The following CSMD2 variants were observed in gnomAD, a reference collection of about 807,000 sequenced individuals.
The protein encoded by CSMD2 is CUB and sushi domain-containing protein 2.
Under a neutral mutation model 398.5 loss-of-function variants are expected in CSMD2, and 130 were observed. The ratio of observed to expected loss-of-function variants is 0.33; its 90% CI spans 0.28 to 0.38. The LOEUF (loss-of-function observed/expected upper bound fraction) is 0.38. CSMD2 is among the 10% of genes least tolerant of loss of function. The probability of loss-of-function intolerance (pLI) is 1.00; values close to 1 mark genes in which losing one functional copy is unlikely to be tolerated. For synonymous variants in CSMD2, 1,828 were observed against 1,908.5 expected, an observed-to-expected ratio of 0.96 and a Z score of 1.10; for missense variants, 3,829 against 4,764.9, an observed-to-expected ratio of 0.80 and a Z score of 5.78.
At chr1:34,082,380 G>A (rs1395919370) in intron 2 of CSMD2, among the ~76,000 whole-genome samples, 1 of 151,774 alleles carries the variant, frequency 6.6e-6, no homozygotes, top group Non-Finnish European at 1.5e-5. Flanking sequence ...GAGGTGGGGG[G>A]CGACCCCGCC....
intron 2 of CSMD2, among the ~76,000 whole-genome samples, chr1:34,052,168 T>TACACACACACAC (rs35006153): frequency 4.1e-5 from 6 of 146,932 alleles, no homozygotes; most frequent in African/African-American, 1.5e-4. Flanking sequence ...AGCATATGTA[T>TACACACACACAC]ACACACACAC....
chr1:33,990,065 A>C (rs1646497288), intron 3 of CSMD2, among the ~76,000 whole-genome samples: 1 of 151,964 alleles, frequency 6.6e-6, no homozygotes, highest in Admixed American at 6.6e-5. Flanking sequence ...GAGGTCCGGC[A>C]TTCGAGACCA....
At chr1:33,757,272 C>T (rs1395176208) in intron 13 of CSMD2, among the ~76,000 whole-genome samples, 5 of 152,008 alleles carry the variant, frequency 3.3e-5, no homozygotes, top group Non-Finnish European at 5.9e-5. Flanking sequence ...CTAACCTGCA[C>T]ATTGTGCACA....
intron 10 of CSMD2, among the ~76,000 whole-genome samples, chr1:33,794,031 T>C (rs571069535): frequency 4.5e-4 from 68 of 152,346 alleles, no homozygotes; most frequent in African/African-American, 1.6e-3. Context: ...TTGCTTTCTG[T>C]TCTACAACTC....
Position 33,533,987 on chromosome 1 carries a change from G to A in CSMD2, c.9880-80C>T, listed in dbSNP as rs938706025. 6 of 811,284 alleles carry A rather than the reference G, an allele frequency of 7.4e-6. No individual in the cohort carries two copies. Among genetic ancestry groups the A allele is most frequent in the Non-Finnish European group, 1.1e-5 (5 of 476,010 alleles). The allele number at this position is 811,284 out of a possible 1,614,324, so 50.3% of individuals were successfully genotyped here. ...GTCTGTCCCTTGACCACTTTCACAT[G>A]GCCCAACTCCTCCCGCACTGTTGCC... On this transcript the variant is annotated intron_variant, in intron 62 of 70. Coordinates refer to ENST00000373381, the MANE Select transcript of CSMD2 (RefSeq NM_001281956.2). This position sits in a 1 kb window ranked among gnomAD's most constrained non-coding sequence, Gnocchi z 4.2.
At chr1:34,070,880 G>C (rs551048746) in intron 2 of CSMD2, among the ~76,000 whole-genome samples, 1 of 152,314 alleles carries the variant, frequency 6.6e-6, no homozygotes, top group African/African-American at 2.4e-5. Flanking sequence ...TTACTTTGTA[G>C]GGTTTACGTA....
At chr1:34,143,276 A>G (rs1020716368) in intron 1 of CSMD2, among the ~76,000 whole-genome samples, 1 of 152,090 alleles carries the variant, frequency 6.6e-6, no homozygotes, top group Non-Finnish European at 1.5e-5. Context: ...GCAGCCTCCC[A>G]GGCCATTAAC....
intron 5 of CSMD2, among the ~76,000 whole-genome samples, chr1:33,874,080 C>A (rs555338277): frequency 1.3e-5 from 2 of 152,316 alleles, no homozygotes; most frequent in South Asian, 4.2e-4. Context: ...ACAATGCCAT[C>A]CCAATGCACA....
chr1:33,595,247 A>G (rs966457442), intron 44 of CSMD2, among the ~76,000 whole-genome samples: 7 of 152,190 alleles, frequency 4.6e-5, no homozygotes, highest in African/African-American at 1.7e-4. Flanking sequence ...ATTTTTGAAG[A>G]CTGCCTGCCA....
intron 1 of CSMD2, among the ~76,000 whole-genome samples, chr1:34,108,776 C>G (rs1254244771): frequency 6.6e-6 from 1 of 152,194 alleles, no homozygotes; most frequent in Non-Finnish European, 1.5e-5. Context: ...ACTCTGTCTT[C>G]CTGCCTTGGG....
intron 32 of CSMD2, among the ~76,000 whole-genome samples, chr1:33,630,434 C>T (rs1285080419): frequency 1.3e-5 from 2 of 152,176 alleles, no homozygotes; most frequent in African/African-American, 4.8e-5. Context: ...ACTCCTAACA[C>T]TAACTTTAGG....
chr1:33,902,452 CTT>C (rs1289563313), intron 5 of CSMD2, among the ~76,000 whole-genome samples: 1 of 152,170 alleles, frequency 6.6e-6, no homozygotes. Flanking sequence ...TGTTTCTCCT[CTT>C]TGGTGCACAC....
chr1:34,165,080 T>C lies in CSMD2; in HGVS notation c.18A>G (p.Gly6=), dbSNP rs1206662155. MPRSR[G]RELGRCGCPA... is the part of the protein sequence containing the mutation. ...GGCAGCCGCAGCGCCCCAGCTCCCG[T>C]CCCCGCGAGCGCGGCATGGCGCGGC... The change falls in exon 1 of 71, where the codon GGA becomes GGG. Residue 6 remains glycine (G), a synonymous_variant. Transcript: ENST00000373381. 8.2e-7 allele frequency: 1 copy of C among 1,214,334 alleles called. No homozygotes were observed. 75.2% of individuals were successfully genotyped at this position (1,214,334 alleles called of 1,614,324 possible).
intron 3 of CSMD2, among the ~76,000 whole-genome samples, chr1:34,030,982 T>C (rs1022717264): frequency 6.6e-6 from 1 of 152,172 alleles, no homozygotes; most frequent in African/African-American, 2.4e-5. Flanking sequence ...AGGCTTCTCC[T>C]AGTGAGGAGC....
Position 33,635,523 on chromosome 1 carries a change from C to T in CSMD2, c.4970-193G>A, listed in dbSNP as rs1642745141. On this transcript the variant is annotated intron_variant, in intron 30 of 70. Coordinates refer to ENST00000373381, the MANE Select transcript of CSMD2 (RefSeq NM_001281956.2). The surrounding 1 kb of genome is among the most constrained non-coding windows in gnomAD (Gnocchi z 5.0). Reference sequence around the variant, plus strand: ...CGTGCACCCCTGGCCTGGCATGTAGCCTGAAACTTGCCCTGAAGCTACCGA... The same window carrying T: ...CGTGCACCCCTGGCCTGGCATGTAGTCTGAAACTTGCCCTGAAGCTACCGA... 6.6e-6 allele frequency among the ~76,000 whole-genome samples: 1 copy of T among 152,210 alleles called. No individual in the cohort carries two copies. The highest frequency in any genetic ancestry group is 2.4e-5 in the African/African-American group (1 of 41,462).
chr1:33,612,945 G>A (rs1255108307), intron 40 of CSMD2, among the ~76,000 whole-genome samples: 1 of 152,212 alleles, frequency 6.6e-6, no homozygotes, highest in African/African-American at 2.4e-5. Context: ...CCATTCCACT[G>A]CCCAGGCATC....
At chr1:33,721,996 G>A (rs1646373870) in intron 19 of CSMD2, among the ~76,000 whole-genome samples, 1 of 151,996 alleles carries the variant, frequency 6.6e-6, no homozygotes, top group Non-Finnish European at 1.5e-5. Context: ...ACAAAGTATT[G>A]CAACCACCCC....
In CSMD2 at chr1:33,758,718, A is replaced by G. The variant is rs145704709; in HGVS notation, c.1846+13851T>C. Reference sequence around the variant, plus strand: ...CTCTTGAGGTGGTGCTCTCTTCCCTATCCCCATTGACTTTGGGCTTAGTCT... The same window carrying G: ...CTCTTGAGGTGGTGCTCTCTTCCCTGTCCCCATTGACTTTGGGCTTAGTCT... On this transcript the variant is annotated intron_variant, in intron 13 of 70. Transcript: ENST00000373381. Among the ~76,000 whole-genome samples the G allele has an allele frequency of 5.3e-3, 803 of 152,192 alleles. 17 individuals carry two copies. The South Asian group carries it at 0.06, about 11-fold the overall frequency.
chr1:34,000,677 G>A (rs953051769), intron 3 of CSMD2, among the ~76,000 whole-genome samples: 1 of 152,024 alleles, frequency 6.6e-6, no homozygotes, highest in African/African-American at 2.4e-5. Flanking sequence ...AAGAAAGGAA[G>A]AAATGAATAA....
Sources: gnomAD v4.1 joint callset for allele counts (sites outside exome capture counted in the v4.1 genomes callset) on GRCh38, gnomAD v4.1.1 for gene constraint, Gnocchi (gnomAD v3.1) non-coding constraint, MANE v1.5 for transcripts, NCBI Gene and HGNC (gene_info 2026-07-23, HGNC 2026-07-21) for gene names.